The following STYXL1 variants were observed in gnomAD, a reference collection of about 807,000 sequenced individuals.
The protein encoded by STYXL1 is serine/threonine/tyrosine-interacting-like protein 1.
In STYXL1, 32 loss-of-function variants were observed where a neutral mutation model predicts 36.4. The ratio of observed to expected loss-of-function variants is 0.88; its 90% CI spans 0.66 to 1.18. The LOEUF (loss-of-function observed/expected upper bound fraction) is 1.18, where lower values mean the gene tolerates loss of function less well. STYXL1 is among the 50% of genes most tolerant of loss of function. The pLI is 0.00. For synonymous variants in STYXL1, 133 were observed against 144.1 expected (o/e 0.92, Z 0.55); for missense variants, 354 against 394.1 (o/e 0.90, Z 0.86).
In STYXL1 at chr7:76,021,949, C is replaced by T; in HGVS notation, c.209G>A (p.Cys70Tyr). 6 of 1,613,238 alleles carry T rather than the reference C, an allele frequency of 3.7e-6. No homozygotes were observed. The highest frequency in any genetic ancestry group is 5.1e-6 in the Non-Finnish European group (6 of 1,179,994). ...YLLPESVDLECVKYCVVYDNN... is the reference protein window; with the variant it reads ...YLLPESVDLEYVKYCVVYDNN... ...ATCATACACCACGCAGTACTTCACACACTCCAGGTCCACAGACTCCGGGAG... is the reference window on the plus strand; with the variant it reads ...ATCATACACCACGCAGTACTTCACATACTCCAGGTCCACAGACTCCGGGAG... Residue 70 changes from cysteine (C) to tyrosine (Y), a missense_variant, in exon 4 of 9, where the codon TGT becomes TAT. Transcript: ENST00000359697.
chr7:76,021,573 C>T (rs545347379), intron 4 of STYXL1, among the ~76,000 whole-genome samples: 2 of 152,232 alleles, frequency 1.3e-5, no homozygotes, highest in African/African-American at 4.8e-5. Flanking sequence ...ATCCCCCTTT[C>T]CTCAACCAAT....
intron 5 of STYXL1, among the ~76,000 whole-genome samples, chr7:76,011,035 C>T (rs1334923176): frequency 1.3e-5 from 2 of 152,078 alleles, no homozygotes; most frequent in Non-Finnish European, 2.9e-5. Flanking sequence ...GGGAACATAG[C>T]AAGACCCTGT....
chr7:76,046,496 GCCA>G (rs782560841), intron 1 of STYXL1, among the ~76,000 whole-genome samples: 32 of 149,598 alleles, frequency 2.1e-4, no homozygotes, highest in Non-Finnish European at 4.0e-4. Flanking sequence ...ACAGGCACAC[GCCA>G]CCATGCCCAG....
At chr7:76,027,199 T>C (rs1239244504) in intron 3 of STYXL1, among the ~76,000 whole-genome samples, 1 of 151,530 alleles carries the variant, frequency 6.6e-6, no homozygotes, top group Admixed American at 6.6e-5. Flanking sequence ...TTCACAATCA[T>C]GAGGGAGAAG....
intron 4 of STYXL1, among the ~76,000 whole-genome samples, chr7:76,017,269 C>T (rs782759980): frequency 9.9e-5 from 15 of 152,140 alleles, no homozygotes; most frequent in South Asian, 4.1e-4. Flanking sequence ...GTGATCCACC[C>T]GCCTTGGCCC....
At chr7:76,046,335 TGTGTGCGCGCGCGC>T (rs1308641555) in intron 1 of STYXL1, among the ~76,000 whole-genome samples, 151 of 18,948 alleles carry the variant, frequency 8.0e-3, no homozygotes, top group Middle Eastern at 0.028. Flanking sequence ...TGTGTGTGTG[TGTGTGCGCGCGCGC>T]GCGCGCGCGC....
At chr7:76,033,972 C>T (rs34170456) in intron 1 of STYXL1, among the ~76,000 whole-genome samples, 16,887 of 152,126 alleles carry the variant, frequency 0.11, 1,815 homozygotes, top group African/African-American at 0.28. Flanking sequence ...AATAATATTG[C>T]CACTTCTATA....
Position 76,005,270 on chromosome 7 carries a change from A to T in STYXL1, c.588T>A (p.Asp196Glu). The T allele has an allele frequency of 6.3e-7, 1 of 1,598,612 alleles. No homozygotes were observed. Among genetic ancestry groups the T allele is most frequent in the Non-Finnish European group, 8.6e-7 (1 of 1,169,008 alleles). The change falls in exon 6 of 9, where the codon GAT (aspartate) becomes GAA (glutamate). Residue 196 changes from aspartate (D) to glutamate (E), a missense_variant. Physicochemically the swap from Asp to Glu is conservative, Grantham distance 45. Coordinates refer to ENST00000359697, the MANE Select transcript of STYXL1 (RefSeq NM_001317785.2). ...KIKAHVNVSM[D>E]TGPFFAGDAD... Reference sequence around the variant, plus strand: ...TTCTCTTTACTTACAAGGGCCCTGTATCCATGGAGACATTGACATGGGCTT... The same window carrying T: ...TTCTCTTTACTTACAAGGGCCCTGTTTCCATGGAGACATTGACATGGGCTT...
intron 4 of STYXL1, among the ~76,000 whole-genome samples, chr7:76,019,279 TTTC>T (rs1348551630): frequency 1.3e-5 from 2 of 150,250 alleles, no homozygotes; most frequent in African/African-American, 2.4e-5. Flanking sequence ...TAACTGTTTT[TTTC>T]TTTTTTTTTT....
chr7:76,041,451 A>G lies in STYXL1; in HGVS notation c.-5+6211T>C, dbSNP rs977877807. Among the ~76,000 whole-genome samples, 3 of 152,270 alleles carry G rather than the reference A, an allele frequency of 2.0e-5. No homozygotes were observed. In the East Asian group the frequency reaches 5.8e-4, roughly 29 times the overall value. ...TGGTCCCCAATGTGGTAGTATTGGG[A>G]GGTGGTACCTTTAAGAGGTGATTTG... On this transcript the variant is annotated intron_variant, in intron 1 of 8. Coordinates refer to ENST00000359697, the MANE Select transcript of STYXL1 (RefSeq NM_001317785.2).
chr7:76,007,500 G>A (rs1199268160), intron 5 of STYXL1, among the ~76,000 whole-genome samples: 1 of 152,138 alleles, frequency 6.6e-6, no homozygotes, highest in African/African-American at 2.4e-5. Flanking sequence ...GGGAGTTGAA[G>A]ATCCAAGGAT....
At chr7:76,018,446 A>C (rs1182967120) in intron 4 of STYXL1, among the ~76,000 whole-genome samples, 1 of 151,836 alleles carries the variant, frequency 6.6e-6, no homozygotes, top group African/African-American at 2.4e-5. Context: ...GCTAGAGTAC[A>C]ATAGCACAAA....
chr7:76,045,930 T>C (rs1554583345), intron 1 of STYXL1: 1 of 152,184 alleles, frequency 6.6e-6, no homozygotes, highest in Admixed American at 6.5e-5. Flanking sequence ...TACCTGGCTC[T>C]GAGGTGCTCT....
At chr7:76,043,395 C>A (rs1484690362) in intron 1 of STYXL1, among the ~76,000 whole-genome samples, 5 of 152,070 alleles carry the variant, frequency 3.3e-5, no homozygotes, top group Non-Finnish European at 5.9e-5. Flanking sequence ...CCCACCTCAG[C>A]CTCCCGAAGT....
intron 4 of STYXL1, among the ~76,000 whole-genome samples, chr7:76,018,668 G>T (rs1483181390): frequency 1.3e-5 from 2 of 152,196 alleles, no homozygotes; most frequent in African/African-American, 4.8e-5. Flanking sequence ...TGGGATTACA[G>T]GCATTATTAG....
intron 1 of STYXL1, among the ~76,000 whole-genome samples, chr7:76,032,470 CGAGGCT>C (rs1795477013): frequency 6.6e-6 from 1 of 150,382 alleles, no homozygotes; most frequent in South Asian, 2.1e-4. Flanking sequence ...CAGCACTTTT[CGAGGCT>C]GAGGCAGGCA....
intron 8 of STYXL1, among the ~76,000 whole-genome samples, chr7:75,999,517 G>GTA (rs1393565979): frequency 2.6e-5 from 1 of 38,196 alleles, no homozygotes; most frequent in Admixed American, 2.6e-4. Context: ...GTGTATGTGT[G>GTA]TGTGTGTGTG....
chr7:76,028,540 C>T (rs1446619695), intron 3 of STYXL1, 102 bp downstream of exon 3: 1 of 1,103,006 alleles, frequency 9.1e-7, no homozygotes, highest in East Asian at 2.5e-5. Flanking sequence ...AGAAAACAGT[C>T]CTGCTTCTGC....
At chr7:76,013,183 G>A (rs377639782) in intron 5 of STYXL1, among the ~76,000 whole-genome samples, 7 of 152,112 alleles carry the variant, frequency 4.6e-5, no homozygotes, top group South Asian at 4.1e-4. Flanking sequence ...AAAATTAGCC[G>A]GGCGTGCTGG....
Sources: allele counts gnomAD v4.1 joint callset (sites outside exome capture counted in the v4.1 genomes callset), GRCh38; gene constraint gnomAD v4.1.1; transcripts MANE v1.5; gene names NCBI Gene and HGNC (gene_info 2026-07-23, HGNC 2026-07-21).